BRI3: variants seen among roughly 807,000 people sequenced by gnomAD.
The protein encoded by BRI3 is membrane protein BRI3.
BRI3 carries 6 observed loss-of-function variants against 12.8 expected under a neutral mutation model. The ratio of observed to expected loss-of-function variants is 0.47; its 90% CI spans 0.26 to 0.93. The LOEUF (loss-of-function observed/expected upper bound fraction) is 0.93. BRI3 is among the 40% of genes least tolerant of loss of function. BRI3 has a pLI of 0.15. For missense variants in BRI3, 134 were observed against 171.1 expected, an observed-to-expected ratio of 0.78 and a Z score of 1.21; for synonymous variants, 91 against 76.1, an observed-to-expected ratio of 1.20 and a Z score of -1.02.
At chr7:98,306,752 G>C (rs1800673270) in intron 1 of BRI3, 1 of 544,138 alleles carries the variant, frequency 1.8e-6, no homozygotes, top group Admixed American at 3.3e-5. Flanking sequence ...CTGTTGCCCA[G>C]GCTGGAGTGC....
chr7:98,307,805 C>T (rs751593031), exon 2 of BRI3: 17 of 1,614,088 alleles, frequency 1.1e-5, no homozygotes, highest in African/African-American at 5.3e-5. Flanking sequence ...CCGCAGTGTG[C>T]GGGAAGATGG....
rs534174299 is a variant in BRI3 at position 98,299,647 on chromosome 7, G to A, written c.72-6836G>A. On this transcript the variant is annotated intron_variant and NMD_transcript_variant, in intron 1 of 2. Transcript: ENST00000491463. ...GCAGGGATCACAGGTGTGAGCCACC[G>A]TGCCCAGCTAGAGCAAGTTTTTAAA... Among the ~76,000 whole-genome samples, 35 of 152,318 alleles carry A rather than the reference G, an allele frequency of 2.3e-4. 1 individual carries two copies. In the South Asian group the frequency reaches 5.2e-3, roughly 23 times the overall value.
At chr7:98,312,156 C>A (rs375051431), downstream of BRI3, 23 of 1,613,834 alleles carry the variant, frequency 1.4e-5, no homozygotes, top group South Asian at 2.5e-4. Context: ...GGGGTAGAGG[C>A]TGGGGTCTTT....
At chr7:98,312,028 A>G (rs1259301680), downstream of BRI3, 5 of 1,477,838 alleles carry the variant, frequency 3.4e-6, no homozygotes, top group Admixed American at 6.3e-5. Flanking sequence ...CCACCAACAC[A>G]GGCAAATTTG....
At chr7:98,292,450 C>G, downstream of BRI3, 1 of 602,954 alleles carries the variant, frequency 1.7e-6, no homozygotes, top group South Asian at 2.1e-5. Context: ...CTGGGATTCC[C>G]GTACCTGGGC....
At chr7:98,318,861 T>G in the BRI3 span, among the ~76,000 whole-genome samples, 1 of 146,666 alleles carries the variant, frequency 6.8e-6, no homozygotes, top group South Asian at 2.1e-4. Flanking sequence ...GGAGAATCGC[T>G]GGAACCCAGG....
upstream of BRI3, among the ~76,000 whole-genome samples, chr7:98,302,998 T>C (rs1800490807): frequency 6.6e-6 from 1 of 152,164 alleles, no homozygotes; most frequent in Non-Finnish European, 1.5e-5. Flanking sequence ...GTTGCCAGTT[T>C]GGTCTAAAAC....
upstream of BRI3, among the ~76,000 whole-genome samples, chr7:98,306,137 G>A (rs1369141555): frequency 6.6e-6 from 1 of 152,176 alleles, no homozygotes; most frequent in Non-Finnish European, 1.5e-5. Context: ...TGTAAGATAA[G>A]GACGGAAAAC....
At chr7:98,294,310 A>G (rs1450514990), downstream of BRI3, among the ~76,000 whole-genome samples, 1 of 152,184 alleles carries the variant, frequency 6.6e-6, no homozygotes, top group South Asian at 2.1e-4. Flanking sequence ...GAGATTTTTA[A>G]TAAGACCCGA....
chr7:98,322,079 G>A, the BRI3 span, among the ~76,000 whole-genome samples: 1 of 152,128 alleles, frequency 6.6e-6, no homozygotes, highest in South Asian at 2.1e-4. Context: ...CTGGGTGACA[G>A]AGTGAGACCC....
At chr7:98,288,084 C>T (rs540059479) in intron 2 of BRI3, among the ~76,000 whole-genome samples, 29 of 152,306 alleles carry the variant, frequency 1.9e-4, no homozygotes, top group Admixed American at 1.4e-3. Flanking sequence ...ATTTCTCAGC[C>T]GGTTCACCCT....
downstream of BRI3, chr7:98,312,337 A>G (rs1487278376): frequency 3.4e-6 from 5 of 1,467,764 alleles, no homozygotes; most frequent in Non-Finnish European, 4.6e-6. Context: ...ACATCACGTC[A>G]TATCGCTGAT....
At chr7:98,288,827 T>A (rs1015042031) in intron 2 of BRI3, among the ~76,000 whole-genome samples, 2 of 152,074 alleles carry the variant, frequency 1.3e-5, no homozygotes, top group African/African-American at 4.8e-5. Context: ...AACTGCTGGC[T>A]TTAAGCGATC....
At chr7:98,318,401 G>A in the BRI3 span, among the ~76,000 whole-genome samples, 10 of 151,946 alleles carry the variant, frequency 6.6e-5, 1 homozygote, top group Admixed American at 3.3e-4. Flanking sequence ...TGATTCTTGT[G>A]CCTCAGCCTC....
At chr7:98,317,307 A>C in the BRI3 span, 1 of 1,614,208 alleles carries the variant, frequency 6.2e-7, no homozygotes, top group Non-Finnish European at 8.5e-7. Flanking sequence ...GGATTTCTCC[A>C]AAGACTCTAA....
In BRI3 at chr7:98,291,391, A is replaced by C; in HGVS notation, c.*148A>C. 1 of 1,468,610 alleles carries C rather than the reference A, an allele frequency of 6.8e-7. No homozygotes were observed. The highest frequency in any genetic ancestry group is 1.4e-5 in the African/African-American group (1 of 70,622). 91.0% of individuals were successfully genotyped at this position (1,468,610 alleles called of 1,614,324 possible). ...GCACACGCCAGCTGCGGTTTCCCGG[A>C]GCGTGGAGAGGCAGTGCTGCTGCTC... On this transcript the variant is annotated 3_prime_UTR_variant, in exon 3 of 3. Transcript: ENST00000297290.
chr7:98,282,305 C>T, intron 1 of BRI3, 46 bp from the exon 2 acceptor site: 3 of 1,497,314 alleles, frequency 2.0e-6, no homozygotes, highest in Middle Eastern at 1.7e-4. Flanking sequence ...CGTGGCGGTC[C>T]GATTTCTCCT....
rs772626925 is a variant in BRI3, at chr7:98,287,455, T to TG, written c.246-3652dup. Among the ~76,000 whole-genome samples the TG allele has an allele frequency of 6.4e-4, 98 of 152,178 alleles. 1 individual carries two copies. The highest frequency in any genetic ancestry group is 2.1e-3 in the African/African-American group (89 of 41,518). On this transcript the variant is annotated intron_variant, in intron 2 of 2. Transcript: ENST00000297290. ...GTGTTTCCCTGTGCCTGGGAGGCCG[T>TG]GGGGTCAGCACATTAGGTTTGGCCC...
At chr7:98,290,495 A>G (rs1799888767) in intron 2 of BRI3, among the ~76,000 whole-genome samples, 2 of 138,322 alleles carry the variant, frequency 1.4e-5, no homozygotes, top group African/African-American at 5.6e-5. Context: ...GCGCCCGGCC[A>G]TCTCTCAAGG....
Sources: gnomAD v4.1 joint callset for allele counts (sites outside exome capture counted in the v4.1 genomes callset) on GRCh38, gnomAD v4.1.1 for gene constraint, MANE v1.5 for transcripts, NCBI Gene and HGNC (gene_info 2026-07-23, HGNC 2026-07-21) for gene names.